CPEB2: variants seen among roughly 807,000 people sequenced by gnomAD.
The protein encoded by CPEB2 is cytoplasmic polyadenylation element-binding protein 2.
In CPEB2, 56 loss-of-function variants were observed where a neutral mutation model predicts 93.6. That is an observed-to-expected ratio of 0.60 (90% CI 0.48 to 0.75). The LOEUF is 0.75. Among genes scored for constraint, CPEB2 ranks in the 30% least tolerant of loss-of-function variants. The pLI is 0.00. For missense variants in CPEB2, 1,579 were observed against 1,395.1 expected (o/e 1.13, Z -2.10); for synonymous variants, 764 against 586.3 (o/e 1.30, Z -4.38).
chr4:15,053,736 CT>C (rs1303412624), intron 7 of CPEB2, among the ~76,000 whole-genome samples: 4 of 151,816 alleles, frequency 2.6e-5, no homozygotes, highest in African/African-American at 7.3e-5. Flanking sequence ...TTTAGCAGAC[CT>C]TTTTTCCTAT....
Position 15,054,471 on chromosome 4 carries a change from TA to T in CPEB2, c.2461+258del, listed in dbSNP as rs1167396178. ...TCTATGTGAAGTGATTGGTCTTTCA[TA>T]AAATATAAATTTATGAACAGTTGAA... On this transcript the variant is annotated intron_variant, in intron 8 of 11. Coordinates refer to ENST00000538197, the MANE Select transcript of CPEB2 (RefSeq NM_001177382.2). 2.6e-5 allele frequency among the ~76,000 whole-genome samples: 4 copies of T among 152,202 alleles called. 1 individual carries two copies. Among genetic ancestry groups the T allele is most frequent in the Admixed American group, 2.6e-4 (4 of 15,280 alleles).
In CPEB2 at chr4:15,058,948, A is replaced by C. The variant is rs190703523; in HGVS notation, c.2581-239A>C. On this transcript the variant is annotated intron_variant, in intron 9 of 11. Transcript: ENST00000538197. ...CACTTTGATCTCGAAACCATCCTCC[A>C]CCACCTCCATCCTTAGAAAAACTGT... is the stretch of plus-strand genomic sequence containing the variant. 7.6e-3 allele frequency among the ~76,000 whole-genome samples: 1,156 copies of C among 152,240 alleles called. 9 individuals are homozygous for C. The highest frequency in any genetic ancestry group is 0.011 in the Non-Finnish European group (756 of 68,006).
chr4:15,029,607 A>G (rs1725865160), intron 4 of CPEB2, among the ~76,000 whole-genome samples: 1 of 152,036 alleles, frequency 6.6e-6, no homozygotes, highest in Admixed American at 6.6e-5. Context: ...GCCCAGGTTT[A>G]TTACTAGATG....
Position 15,017,172 on chromosome 4 carries a change from T to A in CPEB2, c.2035-16T>A. ...ACTGCATAGATTATAATGTCTTTTT[T>A]CCTCTTCTCTTCCAGGATCGAAGTA... On this transcript the variant is annotated splice_polypyrimidine_tract_variant and intron_variant, in intron 3 of 11. Coordinates refer to ENST00000538197, the MANE Select transcript of CPEB2 (RefSeq NM_001177382.2). 3 of 1,441,082 alleles carry A rather than the reference T, an allele frequency of 2.1e-6. No homozygotes were observed. Among genetic ancestry groups the A allele is most frequent in the Non-Finnish European group, 2.9e-6 (3 of 1,028,126 alleles). 89.3% of individuals were successfully genotyped at this position (1,441,082 alleles called of 1,614,324 possible). A position where few individuals can be genotyped will look rare whatever the true frequency, so the allele number is the denominator to read the frequency against.
At position 15,004,146 on chromosome 4, in the gene CPEB2, C is replaced by A. The variant is rs763888753; in HGVS notation, c.1473C>A (p.Pro491=). 1 of 1,451,774 alleles carries A rather than the reference C, an allele frequency of 6.9e-7. No homozygotes were observed. Among genetic ancestry groups the A allele is most frequent in the Non-Finnish European group, 9.1e-7 (1 of 1,097,592 alleles). The allele number at this position is 1,451,774 out of a possible 1,614,324, so 89.9% of individuals were successfully genotyped here. A position where few individuals can be genotyped will look rare whatever the true frequency, so the allele number is the denominator to read the frequency against. ...SGGGGGGFGG[P]FSATAVPPPP... ...GCGGCGGCGGCGGCTTCGGCGGCCC[C>A]TTCTCGGCTACCGCTGTGCCCCCTC... The change falls in exon 1 of 12, where the codon CCC becomes CCA. Residue 491 remains proline, a synonymous_variant. Coordinates refer to ENST00000538197, the MANE Select transcript of CPEB2 (RefSeq NM_001177382.2).
chr4:15,067,864 C>A lies in CPEB2; in HGVS notation c.*1484C>A, dbSNP rs1729810669. On this transcript the variant is annotated 3_prime_UTR_variant, in exon 12 of 12. Transcript: ENST00000538197. Reference sequence around the variant, plus strand: ...TGAGAATTGCTTTTTTGAAAATTTTCATGAAGGAATTTTGGTAATGACTTT... The same window carrying A: ...TGAGAATTGCTTTTTTGAAAATTTTAATGAAGGAATTTTGGTAATGACTTT... 6.6e-6 allele frequency: 1 copy of A among 152,256 alleles called. No individual in the cohort carries two copies. Among genetic ancestry groups the A allele is most frequent in the South Asian group, 2.1e-4 (1 of 4,828 alleles). 9.4% of individuals were successfully genotyped at this position (152,256 alleles called of 1,614,324 possible).
intron 5 of CPEB2, among the ~76,000 whole-genome samples, chr4:15,033,652 T>C (rs1272003165): frequency 2.0e-5 from 3 of 152,326 alleles, no homozygotes; most frequent in South Asian, 2.1e-4. Flanking sequence ...TCTATAAATA[T>C]TGTGATCACA....
chr4:15,024,541 G>C (rs1263103035), intron 4 of CPEB2, among the ~76,000 whole-genome samples: 1 of 151,684 alleles, frequency 6.6e-6, no homozygotes, highest in Non-Finnish European at 1.5e-5. Flanking sequence ...TTTTCTTTCT[G>C]GAAGCTTTTA....
chr4:15,002,488 C>A lies in CPEB2; in HGVS notation c.-186C>A, dbSNP rs891487629. Among the ~76,000 whole-genome samples, 1 of 150,926 alleles carries A rather than the reference C, an allele frequency of 6.6e-6. No homozygotes were observed. ...AGGGCGGCTACGGCGACTGCGACGG[C>A]GGCGGCGGCGGCGATCGCCGCGAGG... On this transcript the variant is annotated 5_prime_UTR_variant, in exon 1 of 12. Coordinates refer to ENST00000538197, the MANE Select transcript of CPEB2 (RefSeq NM_001177382.2).
chr4:15,039,612 A>G (rs1460977135), intron 5 of CPEB2, among the ~76,000 whole-genome samples: 1 of 152,048 alleles, frequency 6.6e-6, no homozygotes, highest in African/African-American at 2.4e-5. Context: ...TTTTAAAACA[A>G]TTTGTGGATT....
intron 1 of CPEB2, chr4:15,006,453 G>A (rs1041379501): frequency 6.7e-6 from 1 of 150,176 alleles, no homozygotes; most frequent in African/African-American, 2.4e-5. Flanking sequence ...ACAATTATTA[G>A]CGTTTTGATG....
chr4:15,063,579 A>C (rs1729409123), intron 11 of CPEB2, among the ~76,000 whole-genome samples: 1 of 152,136 alleles, frequency 6.6e-6, no homozygotes, highest in Admixed American at 6.6e-5. Flanking sequence ...CGGAAGTGAC[A>C]CAAATGTACA....
chr4:15,015,018 G>A (rs898662558), intron 3 of CPEB2, among the ~76,000 whole-genome samples: 5 of 152,030 alleles, frequency 3.3e-5, no homozygotes, highest in Non-Finnish European at 7.4e-5. Flanking sequence ...CATCTAGTCT[G>A]ACATGATTAT....
intron 7 of CPEB2, 143 bp from the exon 8 acceptor site, chr4:15,053,985 G>A (rs1281782789): frequency 3.7e-6 from 2 of 547,256 alleles, no homozygotes; most frequent in Non-Finnish European, 6.4e-6. Flanking sequence ...AAGTATATTA[G>A]ACATATTCCC....
At position 15,007,566 on chromosome 4, in the gene CPEB2, A is replaced by G. The variant is rs147278747; in HGVS notation, c.1924A>G (p.Asn642Asp). 1.2e-6 allele frequency: 2 copies of G among 1,603,848 alleles called. No individual in the cohort carries two copies. The highest frequency in any genetic ancestry group is 1.7e-6 in the Non-Finnish European group (2 of 1,173,212). The change falls in exon 2 of 12, where the codon AAT (asparagine) becomes GAT (aspartate). Residue 642 changes from asparagine (N) to aspartate (D), a missense_variant. Transcript: ENST00000538197. Reference protein sequence around the residue: ...DNVFRTDNNSNTLLPLQVRSS... With the variant: ...DNVFRTDNNSDTLLPLQVRSS... ...TGTGTTCAGAACAGACAACAATAGT[A>G]ATACACTCTTACCCTTACAGGTAAG...
intron 4 of CPEB2, among the ~76,000 whole-genome samples, chr4:15,029,398 G>T (rs953336597): frequency 1.5e-4 from 23 of 151,982 alleles, no homozygotes; most frequent in African/African-American, 5.6e-4. Flanking sequence ...AGATACGATA[G>T]ATCCTCTAGT....
chr4:15,030,416 T>C (rs1409730840), intron 4 of CPEB2, among the ~76,000 whole-genome samples: 1 of 152,110 alleles, frequency 6.6e-6, no homozygotes, highest in Non-Finnish European at 1.5e-5. Flanking sequence ...TGTTGTCATC[T>C]TAAAATGGGA....
At position 15,032,108 on chromosome 4, in the gene CPEB2, T is replaced by C. The variant is rs1726177701; in HGVS notation, c.2126-1053T>C. ...AATCAGTTAAAAAAATTTTTTTTCATTTGTTGAGAGACAGGGTCTTGCCCT... is the reference window on the plus strand; with the variant it reads ...AATCAGTTAAAAAAATTTTTTTTCACTTGTTGAGAGACAGGGTCTTGCCCT... On this transcript the variant is annotated intron_variant, in intron 4 of 11. Coordinates refer to ENST00000538197, the MANE Select transcript of CPEB2 (RefSeq NM_001177382.2). 2.0e-5 allele frequency among the ~76,000 whole-genome samples: 3 copies of C among 152,188 alleles called. 1 individual carries two copies. In the South Asian group the frequency reaches 6.2e-4, roughly 32 times the overall value.
At chr4:15,031,473 C>A (rs532243815) in intron 4 of CPEB2, among the ~76,000 whole-genome samples, 17 of 152,220 alleles carry the variant, frequency 1.1e-4, no homozygotes, top group Middle Eastern at 6.8e-3. Flanking sequence ...TGATTGTGTA[C>A]TTCCCATATG....
Sources: allele counts gnomAD v4.1 joint callset (sites outside exome capture counted in the v4.1 genomes callset), GRCh38; gene constraint gnomAD v4.1.1; transcripts MANE v1.5; gene names NCBI Gene and HGNC (gene_info 2026-07-23, HGNC 2026-07-21).